Variants in AGO2 observed in about 807,000 individuals in gnomAD.
The protein encoded by AGO2 is protein argonaute-2.
A neutral mutation model predicts 102.3 loss-of-function variants in AGO2; 5 were observed. The ratio of observed to expected loss-of-function variants is 0.05; its 90% confidence interval spans 0.03 to 0.10. The LOEUF (loss-of-function observed/expected upper bound fraction) is 0.10, where lower values mean the gene tolerates loss of function less well. AGO2 is among the 10% of genes least tolerant of loss of function. The probability of loss-of-function intolerance (pLI) is 1.00; values close to 1 mark genes in which losing one functional copy is unlikely to be tolerated. For synonymous variants in AGO2, 449 were observed against 473.1 expected, an observed-to-expected ratio of 0.95 and a Z score of 0.66; for missense variants, 541 against 1,183.7, an observed-to-expected ratio of 0.46 and a Z score of 7.97.
intron 1 of AGO2, among the ~76,000 whole-genome samples, chr8:140,624,019 C>T (rs117640018): frequency 0.027 from 4,061 of 152,052 alleles, 71 homozygotes; most frequent in Middle Eastern, 0.054. Context: ...GACAGGAGAG[C>T]CCACCATAGG....
At position 140,558,629 on chromosome 8, in the gene AGO2, G is replaced by A. The variant is rs368580315; in HGVS notation, c.791-57C>T. The A allele has an allele frequency of 8.4e-5, 130 of 1,539,924 alleles. 1 individual carries two copies. The Admixed American group carries it at 1.3e-3, about 16-fold the overall frequency. On this transcript the variant is annotated intron_variant, in intron 6 of 18. Transcript: ENST00000220592. ...GGGCTGTCCCGACCTGAGTGCAGGC[G>A]CCACTTGCGAGAATCAGTTTTCATA... is the stretch of plus-strand genomic sequence containing the variant.
chr8:140,626,851 A>G (rs2074285013), intron 1 of AGO2: 1 of 152,236 alleles, frequency 6.6e-6, no homozygotes, highest in African/African-American at 2.4e-5. Flanking sequence ...TCCCTGCAAA[A>G]AAACATAAAA....
chr8:140,586,390 G>A (rs1031849801), intron 1 of AGO2, among the ~76,000 whole-genome samples: 6 of 152,240 alleles, frequency 3.9e-5, no homozygotes, highest in African/African-American at 1.4e-4. Flanking sequence ...CTACTCAGGA[G>A]GCTGAGGCAG....
chr8:140,543,209 A>AC (rs376988022), intron 14 of AGO2, among the ~76,000 whole-genome samples: 3 of 151,748 alleles, frequency 2.0e-5, no homozygotes, highest in South Asian at 2.1e-4. Flanking sequence ...AACAACAACA[A>AC]AAAAACGACT....
the AGO2 span, among the ~76,000 whole-genome samples, chr8:140,641,495 T>C: frequency 2.0e-5 from 3 of 152,242 alleles, no homozygotes; most frequent in Admixed American, 6.5e-5. Context: ...TGAAATAATA[T>C]ACTGATACAT....
At chr8:140,568,103 C>CAAAAAAAAAAAAAA (rs553804959) in intron 3 of AGO2, among the ~76,000 whole-genome samples, 2 of 110,644 alleles carry the variant, frequency 1.8e-5, no homozygotes, top group African/African-American at 3.6e-5. Context: ...ACTAAAAATA[C>CAAAAAAAAAAAAAA]AAAAAAAAAA....
At chr8:140,561,354 C>T (rs571486818) in intron 4 of AGO2, among the ~76,000 whole-genome samples, 31 of 152,356 alleles carry the variant, frequency 2.0e-4, no homozygotes, top group African/African-American at 7.0e-4. Flanking sequence ...CTAATAATCC[C>T]GCCTCTACTG....
At chr8:140,588,437 CAT>C (rs2073692476) in intron 1 of AGO2, among the ~76,000 whole-genome samples, 1 of 151,968 alleles carries the variant, frequency 6.6e-6, no homozygotes, top group Admixed American at 6.6e-5. Context: ...AAATAATGTA[CAT>C]ATCTTAATTT....
intron 1 of AGO2, among the ~76,000 whole-genome samples, chr8:140,634,775 G>C: frequency 6.6e-6 from 1 of 152,210 alleles, no homozygotes; most frequent in Non-Finnish European, 1.5e-5. Flanking sequence ...AGCCGCGCAC[G>C]CAGTTTGAGG....
chr8:140,616,105 T>C (rs189982415), intron 1 of AGO2, among the ~76,000 whole-genome samples: 11 of 152,276 alleles, frequency 7.2e-5, no homozygotes, highest in Non-Finnish European at 1.6e-4. Context: ...ACAAGAACCC[T>C]TGTAACCAAG....
rs2072471523 is a variant in AGO2, at chr8:140,524,773, G to C, written c.*7271C>G. On this transcript the variant is annotated 3_prime_UTR_variant, in exon 19 of 19. Transcript: ENST00000220592. ...CGCACACAACTCCCAGAGTTCAAAG[G>C]AGCCCCGGACCCCTACACGAGCACC... The C allele has an allele frequency of 1.3e-5, 2 of 152,008 alleles. No homozygotes were observed. The highest frequency in any genetic ancestry group is 1.3e-4 in the Admixed American group (2 of 15,248). 9.4% of individuals were successfully genotyped at this position (152,008 alleles called of 1,614,324 possible).
intron 1 of AGO2, among the ~76,000 whole-genome samples, chr8:140,588,658 G>A (rs1432092221): frequency 1.3e-5 from 2 of 151,142 alleles, no homozygotes; most frequent in Non-Finnish European, 2.9e-5. Context: ...AAAGGAGGGA[G>A]GGAGGGAAGG....
chr8:140,552,728 A>ATGCGCG (rs1554702370), intron 10 of AGO2, among the ~76,000 whole-genome samples: 2 of 124,074 alleles, frequency 1.6e-5, no homozygotes, highest in South Asian at 2.5e-4. Flanking sequence ...ACGCACATGC[A>ATGCGCG]CGCGCGCGCG....
At position 140,558,617 on chromosome 8, in the gene AGO2, C is replaced by T. The variant is rs371153527; in HGVS notation, c.791-45G>A. On this transcript the variant is annotated intron_variant, in intron 6 of 18. Transcript: ENST00000220592. ...GCATCGGCATCGGGGCTGTCCCGACCTGAGTGCAGGCGCCACTTGCGAGAA... is the reference window on the plus strand; with the variant it reads ...GCATCGGCATCGGGGCTGTCCCGACTTGAGTGCAGGCGCCACTTGCGAGAA... The T allele has an allele frequency of 1.2e-4, 191 of 1,593,814 alleles. No homozygotes were observed. In the East Asian group the frequency reaches 2.2e-3, roughly 18 times the overall value.
Position 140,522,665 on chromosome 8 carries a change from CAA to C in AGO2, c.*9377_*9378del, listed in dbSNP as rs1491274220. 0.047 allele frequency: 3,354 copies of C among 70,614 alleles called. 86 individuals are homozygous for C. Among genetic ancestry groups the C allele is most frequent in the African/African-American group, 0.11 (2,358 of 21,684 alleles). 4.4% of individuals were successfully genotyped at this position (70,614 alleles called of 1,614,324 possible). A position where few individuals can be genotyped will look rare whatever the true frequency, so the allele number is the denominator to read the frequency against. Reference sequence around the variant, plus strand: ...AAGCTATGGCCATAGCCAAGCTAGACAAGAGAGAGAGAGAGAGACAGAGACAG... The same window carrying C: ...AAGCTATGGCCATAGCCAAGCTAGACGAGAGAGAGAGAGAGACAGAGACAG... On this transcript the variant is annotated 3_prime_UTR_variant, in exon 19 of 19. Transcript: ENST00000220592.
intron 3 of AGO2, among the ~76,000 whole-genome samples, chr8:140,566,023 G>T (rs1469000823): frequency 2.7e-5 from 4 of 149,062 alleles, no homozygotes; most frequent in South Asian, 4.2e-4. Flanking sequence ...GGGTAACAGA[G>T]AAATTGTTTC....
At chr8:140,573,015 T>C (rs2073407708) in intron 2 of AGO2, 83 bp from the exon 3 acceptor site, 1 of 1,491,550 alleles carries the variant, frequency 6.7e-7, no homozygotes, top group East Asian at 2.3e-5. Flanking sequence ...CGCTATTTTT[T>C]TTTTTTTTTT....
At chr8:140,628,754 G>C (rs1183844955) in intron 1 of AGO2, among the ~76,000 whole-genome samples, 1 of 151,354 alleles carries the variant, frequency 6.6e-6, no homozygotes, top group African/African-American at 2.4e-5. Context: ...AACAGAGTGA[G>C]ACCCCACCTC....
chr8:140,521,196 C>T lies in AGO2; in HGVS notation c.*10848G>A, dbSNP rs1010523017. On this transcript the variant is annotated 3_prime_UTR_variant, in exon 19 of 19. Coordinates refer to ENST00000220592, the MANE Select transcript of AGO2 (RefSeq NM_012154.5). The stretch of plus-strand genomic sequence containing the variant: ...GTCCTGGGGAGCCAATTGCCCGGCA[C>T]GTCTTATTACTGAGAAAGTGCAAGA... 4 of 152,118 alleles carry T rather than the reference C, an allele frequency of 2.6e-5. No homozygotes were observed. Among genetic ancestry groups the T allele is most frequent in the Admixed American group, 1.3e-4 (2 of 15,270 alleles). The allele number at this position is 152,118 out of a possible 1,614,324, so 9.4% of individuals were successfully genotyped here. A position where few individuals can be genotyped will look rare whatever the true frequency, so the allele number is the denominator to read the frequency against.
Sources: gnomAD v4.1 joint callset for allele counts (sites outside exome capture counted in the v4.1 genomes callset) on GRCh38, gnomAD v4.1.1 for gene constraint, MANE v1.5 for transcripts, NCBI Gene and HGNC (gene_info 2026-07-23, HGNC 2026-07-21) for gene names.